Variants in KIF26B observed in about 807,000 individuals in gnomAD.
KIF26B encodes the protein kinesin family member 26B, also known as kinesin-like protein KIF26B.
KIF26B carries 63 observed loss-of-function variants against 151.2 expected under a neutral mutation model. The observed-to-expected ratio is 0.42, with a 90% confidence interval of 0.34 to 0.51. KIF26B has a LOEUF of 0.51. Among genes scored for constraint, KIF26B ranks in the 20% least tolerant of loss-of-function variants. The probability of loss-of-function intolerance (pLI) is 0.07; values close to 1 mark genes in which losing one functional copy is unlikely to be tolerated. For synonymous variants in KIF26B, 1,357 were observed against 1,262.1 expected (o/e 1.08, Z -1.59); for missense variants, 2,813 against 2,913.6 (o/e 0.97, Z 0.79).
intron 4 of KIF26B, among the ~76,000 whole-genome samples, chr1:245,529,109 C>G (rs1250737651): frequency 6.6e-6 from 1 of 152,224 alleles, no homozygotes; most frequent in South Asian, 2.1e-4. Flanking sequence ...TAAGGCCGCT[C>G]CATCGGAGTC....
chr1:245,548,018 T>C (rs548555439), intron 5 of KIF26B, among the ~76,000 whole-genome samples: 2 of 152,218 alleles, frequency 1.3e-5, no homozygotes, highest in African/African-American at 4.8e-5. Flanking sequence ...GCCTGCTTCA[T>C]ATGAGTAGAC....
intron 2 of KIF26B, among the ~76,000 whole-genome samples, chr1:245,208,486 A>G (rs901831787): frequency 2.6e-5 from 4 of 152,182 alleles, no homozygotes; most frequent in South Asian, 2.1e-4. Flanking sequence ...CACAGAGCCA[A>G]TTGGCTGCTG....
chr1:245,250,634 G>T (rs530993807), intron 2 of KIF26B, among the ~76,000 whole-genome samples: 5 of 152,060 alleles, frequency 3.3e-5, no homozygotes, highest in African/African-American at 1.2e-4. Flanking sequence ...CTAAAATCCT[G>T]CCATCCTCAG....
Position 245,367,496 on chromosome 1 carries a change from C to T in KIF26B, c.999+129C>T. ...CAGAGCCCAGTGTTTCCATGTGGCC[C>T]CCACAGAGTTCTCATCAAGGTGCCC... is the stretch of plus-strand genomic sequence containing the variant. On this transcript the variant is annotated intron_variant, in intron 3 of 14. Coordinates refer to ENST00000407071, the MANE Select transcript of KIF26B (RefSeq NM_018012.4). The surrounding 1 kb of genome is among the most constrained non-coding windows in gnomAD (Gnocchi z 4.2). 1.1e-6 allele frequency: 1 copy of T among 906,058 alleles called. No individual in the cohort carries two copies. Among genetic ancestry groups the T allele is most frequent in the African/African-American group, 1.7e-5 (1 of 59,718 alleles). 56.1% of individuals were successfully genotyped at this position (906,058 alleles called of 1,614,324 possible). A position where few individuals can be genotyped will look rare whatever the true frequency, so the allele number is the denominator to read the frequency against.
intron 4 of KIF26B, among the ~76,000 whole-genome samples, chr1:245,424,226 G>A (rs190990397): frequency 7.2e-5 from 11 of 152,058 alleles, no homozygotes; most frequent in South Asian, 6.2e-4. Flanking sequence ...CGCGATCTCC[G>A]CTCGCTGCAA....
At chr1:245,600,796 G>T (rs1261049176) in intron 5 of KIF26B, among the ~76,000 whole-genome samples, 1 of 152,126 alleles carries the variant, frequency 6.6e-6, no homozygotes, top group Non-Finnish European at 1.5e-5. Flanking sequence ...CCCATTCACT[G>T]AGTTTGCACA....
rs776743487 is a variant in KIF26B, at chr1:245,167,755, T to C, written c.465+11072T>C. Among the ~76,000 whole-genome samples, 39 of 151,972 alleles carry C rather than the reference T, an allele frequency of 2.6e-4. No homozygotes were observed. The highest frequency in any genetic ancestry group is 4.9e-4 in the Non-Finnish European group (33 of 68,008). ...AGCAGGTGGCAGAGTGTCTTCCCCA[T>C]GGTACCATGGCTGGGAATTAGAGCA... is the stretch of plus-strand genomic sequence containing the variant. On this transcript the variant is annotated intron_variant, in intron 2 of 14. Transcript: ENST00000407071. The surrounding 1 kb of genome is among the most constrained non-coding windows in gnomAD (Gnocchi z 4.2).
At chr1:245,650,138 C>A (rs550494884) in intron 10 of KIF26B, among the ~76,000 whole-genome samples, 1 of 152,336 alleles carries the variant, frequency 6.6e-6, no homozygotes, top group East Asian at 1.9e-4. Flanking sequence ...TCCAACCCCT[C>A]GTCAGTTCTG....
rs919843847 is a variant in KIF26B, at chr1:245,318,351, GGAA to G, written c.466-48474_466-48472del. Among the ~76,000 whole-genome samples the G allele has an allele frequency of 2.0e-5, 3 of 152,260 alleles. No homozygotes were observed. The South Asian group carries it at 6.2e-4, about 32-fold the overall frequency. On this transcript the variant is annotated intron_variant, in intron 2 of 14. Coordinates refer to ENST00000407071, the MANE Select transcript of KIF26B (RefSeq NM_018012.4). The surrounding 1 kb of genome is among the most constrained non-coding windows in gnomAD (Gnocchi z 4.0). ...TTCCACTTACCCTCAGCAAGACGAGGGAAGAAGAAGATTCTGGAAAGGGAGAAT... is the reference window on the plus strand; with the variant it reads ...TTCCACTTACCCTCAGCAAGACGAGGGAAGAAGATTCTGGAAAGGGAGAAT...
rs576190940 is a variant in KIF26B, at chr1:245,648,588, T to C, written c.2258+2308T>C. 5.3e-5 allele frequency among the ~76,000 whole-genome samples: 8 copies of C among 151,702 alleles called. No homozygotes were observed. The South Asian group carries it at 1.3e-3, about 24-fold the overall frequency. ...AGGCAGAGGCTGCAGTGAGTTGAGA[T>C]TGCGCTACTGCACCAGCCTGGGCAA... On this transcript the variant is annotated intron_variant, in intron 10 of 14. Coordinates refer to ENST00000407071, the MANE Select transcript of KIF26B (RefSeq NM_018012.4).
At chr1:245,455,258 C>A (rs1659490384) in intron 4 of KIF26B, among the ~76,000 whole-genome samples, 1 of 152,144 alleles carries the variant, frequency 6.6e-6, no homozygotes, top group South Asian at 2.1e-4. Context: ...GTAATCCGAG[C>A]ACTTTGGGAG....
At chr1:245,465,373 G>C (rs1367258952) in intron 4 of KIF26B, among the ~76,000 whole-genome samples, 1 of 146,788 alleles carries the variant, frequency 6.8e-6, no homozygotes, top group Non-Finnish European at 1.5e-5. Flanking sequence ...GGTGAGAGGC[G>C]GTTGCCCCAT....
Position 245,702,726 on chromosome 1 carries a change from A to G in KIF26B, c.*120A>G. On this transcript the variant is annotated 3_prime_UTR_variant, in exon 15 of 15. Coordinates refer to ENST00000407071, the MANE Select transcript of KIF26B (RefSeq NM_018012.4). This position sits in a 1 kb window ranked among gnomAD's most constrained non-coding sequence, Gnocchi z 4.1. ...ATGAATGAGGATGAAGGTTGGTGGCAAGTCTGGAGCGGGCGTTGAGCGGAA... is the reference window on the plus strand; with the variant it reads ...ATGAATGAGGATGAAGGTTGGTGGCGAGTCTGGAGCGGGCGTTGAGCGGAA... The G allele has an allele frequency of 8.4e-7, 1 of 1,184,106 alleles. No individual in the cohort carries two copies. Among genetic ancestry groups the G allele is most frequent in the Non-Finnish European group, 1.2e-6 (1 of 861,100 alleles). The allele number at this position is 1,184,106 out of a possible 1,614,324, so 73.3% of individuals were successfully genotyped here.
chr1:245,411,203 C>CT (rs1251071453), intron 3 of KIF26B, among the ~76,000 whole-genome samples: 2 of 152,206 alleles, frequency 1.3e-5, no homozygotes, highest in Non-Finnish European at 2.9e-5. Context: ...CACAGTAGGC[C>CT]TGACCCTGCC....
intron 3 of KIF26B, among the ~76,000 whole-genome samples, chr1:245,402,918 C>A (rs1173431437): frequency 6.6e-6 from 1 of 152,136 alleles, no homozygotes; most frequent in Non-Finnish European, 1.5e-5. Flanking sequence ...TGACACAACT[C>A]CTCATTTTGT....
chr1:245,484,685 T>TG (rs1660236605), intron 4 of KIF26B, among the ~76,000 whole-genome samples: 1 of 150,008 alleles, frequency 6.7e-6, no homozygotes, highest in Non-Finnish European at 1.5e-5. Context: ...TGGAGCTGCT[T>TG]CTCCTCCTTC....
At position 245,522,308 on chromosome 1, in the gene KIF26B, C is replaced by T. The variant is rs140380657; in HGVS notation, c.1167-18459C>T. Among the ~76,000 whole-genome samples, 18 of 152,176 alleles carry T rather than the reference C, an allele frequency of 1.2e-4. No homozygotes were observed. In the East Asian group the frequency reaches 3.5e-3, roughly 30 times the overall value. On this transcript the variant is annotated intron_variant, in intron 4 of 14. Coordinates refer to ENST00000407071, the MANE Select transcript of KIF26B (RefSeq NM_018012.4). ...TTAAAGAAAATGATACTGCCTATGC[C>T]CAATTTAGATGTGGGCCAGCTGTGT...
intron 10 of KIF26B, among the ~76,000 whole-genome samples, chr1:245,647,362 T>G (rs1246446586): frequency 6.8e-6 from 1 of 146,730 alleles, no homozygotes; most frequent in Non-Finnish European, 1.5e-5. Context: ...GAGGCGGAGC[T>G]TGCAGTGAGC....
chr1:245,417,244 T>C (rs1440320519), intron 3 of KIF26B, among the ~76,000 whole-genome samples: 1 of 152,212 alleles, frequency 6.6e-6, no homozygotes, highest in Non-Finnish European at 1.5e-5. Flanking sequence ...TACATGTGTA[T>C]GTTTTATTAT....
Sources: allele counts gnomAD v4.1 joint callset (sites outside exome capture counted in the v4.1 genomes callset), GRCh38; gene constraint gnomAD v4.1.1; non-coding constraint Gnocchi (gnomAD v3.1); transcripts MANE v1.5; gene names NCBI Gene and HGNC (gene_info 2026-07-23, HGNC 2026-07-21).